The following DYNC2H1 variants were observed in gnomAD, a reference collection of about 807,000 sequenced individuals.
The protein encoded by DYNC2H1 is dynein cytoplasmic 2 heavy chain 1, also known as cytoplasmic dynein 2 heavy chain 1.
Under a neutral mutation model 570.0 loss-of-function variants are expected in DYNC2H1, and 410 were observed. That is an observed-to-expected ratio of 0.72 (90% CI 0.66 to 0.78). The LOEUF (loss-of-function observed/expected upper bound fraction) is 0.78, where lower values mean the gene tolerates loss of function less well. DYNC2H1 is among the 30% of genes least tolerant of loss of function. The pLI is 0.00. For synonymous variants in DYNC2H1, 1,688 were observed against 1,677.6 expected, an observed-to-expected ratio of 1.01 and a Z score of -0.15; for missense variants, 4,865 against 5,046.4, an observed-to-expected ratio of 0.96 and a Z score of 1.09.
In DYNC2H1 at chr11:103,121,465, G is replaced by T. The variant is rs779488462; in HGVS notation, c.1454G>T (p.Ser485Ile). The change falls in exon 10 of 89, where the codon AGT becomes ATT. Residue 485 changes from serine to isoleucine, a missense_variant. By Grantham distance (142) the Ser-to-Ile change is moderately radical (BLOSUM62 -2). Transcript: ENST00000375735. ...AAAAATCTTTCAGAAGTTGTCAACA[G>T]TATAGTTTGGGTTCGCCAGTTGGAA... is the stretch of plus-strand genomic sequence containing the variant. ...SGKNLSEVVN[S>I]IVWVRQLELK... 2 of 1,613,062 alleles carry T rather than the reference G, an allele frequency of 1.2e-6. No individual in the cohort carries two copies. Among genetic ancestry groups the T allele is most frequent in the Admixed American group, 1.7e-5 (1 of 59,976 alleles).
intron 17 of DYNC2H1, among the ~76,000 whole-genome samples, chr11:103,137,366 C>T (rs926286450): frequency 3.4e-4 from 52 of 151,470 alleles, no homozygotes; most frequent in African/African-American, 1.1e-3. Flanking sequence ...TTAGCTCTAA[C>T]GTTTAAGTCT....
intron 46 of DYNC2H1, 77 bp from the exon 47 acceptor site, chr11:103,192,020 T>C: frequency 8.2e-7 from 1 of 1,224,846 alleles, no homozygotes; most frequent in Non-Finnish European, 1.1e-6. Flanking sequence ...ACACCTGCTA[T>C]TTCTTTCTAA....
rs1866089813 is a variant in DYNC2H1 at position 103,280,538 on chromosome 11, G to A, written c.10761+125G>A. Reference sequence around the variant, plus strand: ...TATCAACCTATTAATCTTTTACTAAGTTAGAAATGTAGTATAAAATGGTGA... The same window carrying A: ...TATCAACCTATTAATCTTTTACTAAATTAGAAATGTAGTATAAAATGGTGA... On this transcript the variant is annotated intron_variant, in intron 71 of 88. Transcript: ENST00000375735. This position sits in a 1 kb window ranked among gnomAD's most constrained non-coding sequence, Gnocchi z 4.7. 4.7e-6 allele frequency: 4 copies of A among 855,598 alleles called. No individual in the cohort carries two copies. The highest frequency in any genetic ancestry group is 1.7e-5 in the South Asian group (1 of 60,446). The allele number at this position is 855,598 out of a possible 1,614,324, so 53.0% of individuals were successfully genotyped here.
chr11:103,256,305 A>G lies in DYNC2H1; in HGVS notation c.10461+65A>G. 3.4e-6 allele frequency: 5 copies of G among 1,464,778 alleles called. No homozygotes were observed. The highest frequency in any genetic ancestry group is 4.6e-6 in the Non-Finnish European group (5 of 1,086,496). 90.7% of individuals were successfully genotyped at this position (1,464,778 alleles called of 1,614,324 possible). On this transcript the variant is annotated intron_variant, in intron 68 of 88. Coordinates refer to ENST00000375735, the MANE Select transcript of DYNC2H1 (RefSeq NM_001377.3). This position sits in a 1 kb window ranked among gnomAD's most constrained non-coding sequence, Gnocchi z 4.0. The stretch of plus-strand genomic sequence containing the variant: ...TTGAACATTTAGGTTAATATGATAG[A>G]AAATGTAGAATCAGGTCCTCAGGGG...
chr11:103,417,642 G>A (rs1421968529), intron 84 of DYNC2H1, among the ~76,000 whole-genome samples: 1 of 125,810 alleles, frequency 7.9e-6, no homozygotes, highest in Non-Finnish European at 1.7e-5. Context: ...ACTTTGGGAG[G>A]TCAAGGCAGG....
In DYNC2H1 at chr11:103,204,699, G is replaced by A. The variant is rs1479602946; in HGVS notation, c.8312-123G>A. On this transcript the variant is annotated intron_variant, in intron 51 of 88. Transcript: ENST00000375735. This position sits in a 1 kb window ranked among gnomAD's most constrained non-coding sequence, Gnocchi z 4.1. ...AAAATAAAAATCATAACATAATATTGTTTTATATTGTGCTCGTTTTAAGAA... is the reference window on the plus strand; with the variant it reads ...AAAATAAAAATCATAACATAATATTATTTTATATTGTGCTCGTTTTAAGAA... 1.6e-6 allele frequency: 1 copy of A among 640,794 alleles called. No homozygotes were observed. 39.7% of individuals were successfully genotyped at this position (640,794 alleles called of 1,614,324 possible). A position where few individuals can be genotyped will look rare whatever the true frequency, so the allele number is the denominator to read the frequency against.
At chr11:103,140,821 C>A (rs1398987867) in intron 17 of DYNC2H1, among the ~76,000 whole-genome samples, 1 of 152,196 alleles carries the variant, frequency 6.6e-6, no homozygotes, top group Non-Finnish European at 1.5e-5. Flanking sequence ...GTTCCATTCT[C>A]CCCGTCACTT....
intron 82 of DYNC2H1, among the ~76,000 whole-genome samples, chr11:103,332,479 C>T (rs1938865955): frequency 6.6e-6 from 1 of 151,732 alleles, no homozygotes; most frequent in African/African-American, 2.4e-5. Flanking sequence ...CACACACAGG[C>T]ATAAAATATT....
intron 83 of DYNC2H1, among the ~76,000 whole-genome samples, chr11:103,392,685 C>T (rs1238653153): frequency 6.6e-6 from 1 of 152,010 alleles, no homozygotes; most frequent in East Asian, 1.9e-4. Flanking sequence ...CACCAAAAGG[C>T]ATTTCATGGA....
At chr11:103,448,021 A>T (rs895717276) in intron 85 of DYNC2H1, among the ~76,000 whole-genome samples, 3 of 152,256 alleles carry the variant, frequency 2.0e-5, no homozygotes, top group African/African-American at 7.2e-5. Flanking sequence ...ATTATAAAGG[A>T]TGATTAACAA....
At chr11:103,414,512 G>T (rs182697394) in intron 84 of DYNC2H1, among the ~76,000 whole-genome samples, 156 of 152,142 alleles carry the variant, frequency 1.0e-3, no homozygotes, top group African/African-American at 3.6e-3. Context: ...CCAGCTACTC[G>T]GGAGGCTGAG....
chr11:103,412,255 G>A (rs976950299), intron 84 of DYNC2H1, among the ~76,000 whole-genome samples: 1 of 152,056 alleles, frequency 6.6e-6, no homozygotes, highest in African/African-American at 2.4e-5. Context: ...TCTTTACTAT[G>A]TGTGACACGA....
rs1866087696 is a variant in DYNC2H1, at chr11:103,280,488, G to T, written c.10761+75G>T. On this transcript the variant is annotated intron_variant, in intron 71 of 88. Transcript: ENST00000375735. This position sits in a 1 kb window ranked among gnomAD's most constrained non-coding sequence, Gnocchi z 4.7. ...AATGGGTGGATTTATGTTTAGATTA[G>T]AAATTATTTAGGCTAGAAATTATAT... 2.4e-6 allele frequency: 3 copies of T among 1,259,802 alleles called. No homozygotes were observed. Among genetic ancestry groups the T allele is most frequent in the Non-Finnish European group, 3.4e-6 (3 of 887,670 alleles). The allele number at this position is 1,259,802 out of a possible 1,614,324, so 78.0% of individuals were successfully genotyped here.
intron 83 of DYNC2H1, among the ~76,000 whole-genome samples, chr11:103,387,930 G>A (rs1025145407): frequency 6.6e-6 from 1 of 152,184 alleles, no homozygotes; most frequent in African/African-American, 2.4e-5. Flanking sequence ...TTGAAGTCAG[G>A]TAGTGTGATG....
intron 87 of DYNC2H1, among the ~76,000 whole-genome samples, chr11:103,459,920 C>CCGCA (rs1944948911): frequency 7.0e-6 from 1 of 143,316 alleles, no homozygotes; most frequent in South Asian, 2.3e-4. Flanking sequence ...CCACTGCAGT[C>CCGCA]CGCAGTCCGG....
At chr11:103,431,458 G>T (rs1943891019) in intron 84 of DYNC2H1, among the ~76,000 whole-genome samples, 1 of 152,032 alleles carries the variant, frequency 6.6e-6, no homozygotes, top group South Asian at 2.1e-4. Context: ...CCAGCTCTGT[G>T]ATTTTTGAAC....
intron 84 of DYNC2H1, among the ~76,000 whole-genome samples, chr11:103,408,975 T>C (rs1168599569): frequency 6.6e-6 from 1 of 152,072 alleles, no homozygotes. Flanking sequence ...GTTTCACTGA[T>C]TAAAAGTAAG....
Position 103,339,260 on chromosome 11 carries a change from G to A in DYNC2H1, c.12039+15270G>A, listed in dbSNP as rs182473137. Among the ~76,000 whole-genome samples the A allele has an allele frequency of 9.2e-5, 14 of 152,182 alleles. No homozygotes were observed. In the East Asian group the frequency reaches 2.5e-3, roughly 28 times the overall value. ...GTGGTCGGCACAGTTGACTGCATTA[G>A]AACACCATGAAAGCCTGAGGCCTTC... On this transcript the variant is annotated intron_variant, in intron 82 of 88. Transcript: ENST00000375735.
intron 85 of DYNC2H1, among the ~76,000 whole-genome samples, chr11:103,437,960 A>G (rs1040212585): frequency 1.3e-5 from 2 of 152,114 alleles, no homozygotes; most frequent in Admixed American, 6.6e-5. Flanking sequence ...TTCATATATT[A>G]ATAACTGGTC....
Sources: gnomAD v4.1 joint callset for allele counts (sites outside exome capture counted in the v4.1 genomes callset) on GRCh38, gnomAD v4.1.1 for gene constraint, Gnocchi (gnomAD v3.1) non-coding constraint, MANE v1.5 for transcripts, NCBI Gene and HGNC (gene_info 2026-07-23, HGNC 2026-07-21) for gene names.